Variants in POLD1 observed in about 807,000 individuals in gnomAD.
The protein encoded by POLD1 is DNA polymerase delta catalytic subunit.
In POLD1, 79 loss-of-function variants were observed where a neutral mutation model predicts 129.7. The ratio of observed to expected loss-of-function variants is 0.61; its 90% CI spans 0.51 to 0.73. The LOEUF is 0.73. Among genes scored for constraint, POLD1 ranks in the 30% least tolerant of loss-of-function variants. The pLI is 0.00. For synonymous variants in POLD1, 714 were observed against 683.3 expected, an observed-to-expected ratio of 1.04 and a Z score of -0.70; for missense variants, 1,338 against 1,595.8, an observed-to-expected ratio of 0.84 and a Z score of 2.75.
Position 50,409,406 on chromosome 19 carries a change from G to A in POLD1, c.2007-113G>A. The A allele has an allele frequency of 6.2e-6, 9 of 1,458,948 alleles. No individual in the cohort carries two copies. Among genetic ancestry groups the A allele is most frequent in the Non-Finnish European group, 7.6e-6 (8 of 1,057,982 alleles). 90.4% of individuals were successfully genotyped at this position (1,458,948 alleles called of 1,614,324 possible). On this transcript the variant is annotated intron_variant, in intron 16 of 26. Transcript: ENST00000440232. This position sits in a 1 kb window ranked among gnomAD's most constrained non-coding sequence, Gnocchi z 5.8. ...CTTCCTTTTGCCCCCTTGGCCAGAA[G>A]CTTCTGTGCAGTGCACAGTACGCCC...
At chr19:50,401,363 A>ATGTG (rs1266156050) in intron 3 of POLD1, among the ~76,000 whole-genome samples, 27 of 95,504 alleles carry the variant, frequency 2.8e-4, no homozygotes, top group African/African-American at 1.2e-3. Context: ...ATTTGTGTAT[A>ATGTG]TGTGTATATA....
chr19:50,406,002 G>A lies in POLD1; in HGVS notation c.1243-180G>A, dbSNP rs372640164. ...TTGGCTGCAGCTTAGTCCTTACTCC[G>A]GACTCCCTCCCCAGTCTCCAGCCAC... is the stretch of plus-strand genomic sequence containing the variant. On this transcript the variant is annotated intron_variant, in intron 10 of 26. Transcript: ENST00000440232. The surrounding 1 kb of genome is among the most constrained non-coding windows in gnomAD (Gnocchi z 5.5). 7.9e-5 allele frequency among the ~76,000 whole-genome samples: 12 copies of A among 152,168 alleles called. No homozygotes were observed. In the South Asian group the frequency reaches 1.9e-3, roughly 24 times the overall value.
In POLD1 at chr19:50,409,643, T is replaced by C; in HGVS notation, c.2131T>C (p.Leu711=). The C allele has an allele frequency of 6.2e-7, 1 of 1,606,534 alleles. No individual in the cohort carries two copies. The highest frequency in any genetic ancestry group is 8.5e-7 in the Non-Finnish European group (1 of 1,174,862). ...CTTCACTGGCGCCCAGGTGGGCAAG[T>C]TGCCGTGCCTGGAGATCTCACAGGT... is the stretch of plus-strand genomic sequence containing the variant. ...YGFTGAQVGK[L]PCLEISQSVT... is the part of the protein sequence containing the mutation. The change falls in exon 17 of 27, where the codon TTG becomes CTG. Residue 711 remains leucine (L), a synonymous_variant. Coordinates refer to ENST00000440232, the MANE Select transcript of POLD1 (RefSeq NM_002691.4). The surrounding 1 kb of genome is among the most constrained non-coding windows in gnomAD (Gnocchi z 5.8).
At chr19:50,399,564 C>A in intron 3 of POLD1, 80 bp downstream of exon 3, 1 of 1,071,362 alleles carries the variant, frequency 9.3e-7, no homozygotes, top group Non-Finnish European at 1.4e-6. Flanking sequence ...CCCTCTGGCC[C>A]TGTGCTCCTG....
At chr19:50,401,729 T>C in intron 3 of POLD1, 49 bp from the exon 4 acceptor site, 1 of 1,602,196 alleles carries the variant, frequency 6.2e-7, no homozygotes, top group Non-Finnish European at 8.5e-7. Context: ...AGACACACCT[T>C]GGAGGACCCT....
Position 50,406,391 on chromosome 19 carries a change from C to T in POLD1, c.1384-16C>T. ...CTGCCCAGGCCCGCAGCCCACCAGC[C>T]CACCCACCCACCTAGGTGCTGCTGC... is the stretch of plus-strand genomic sequence containing the variant. On this transcript the variant is annotated splice_polypyrimidine_tract_variant and intron_variant, in intron 11 of 26. Coordinates refer to ENST00000440232, the MANE Select transcript of POLD1 (RefSeq NM_002691.4). This position sits in a 1 kb window ranked among gnomAD's most constrained non-coding sequence, Gnocchi z 5.5. 1 of 1,606,348 alleles carries T rather than the reference C, an allele frequency of 6.2e-7. No homozygotes were observed. The highest frequency in any genetic ancestry group is 8.5e-7 in the Non-Finnish European group (1 of 1,175,958).
chr19:50,401,367 G>GTATGTATATATATATATA (rs2038602170), intron 3 of POLD1, among the ~76,000 whole-genome samples: 1 of 55,964 alleles, frequency 1.8e-5, no homozygotes. Context: ...GTGTATATGT[G>GTATGTATATATATATATA]TATATATATA....
At chr19:50,414,281 C>T (rs950135565) in intron 19 of POLD1, among the ~76,000 whole-genome samples, 1 of 152,268 alleles carries the variant, frequency 6.6e-6, no homozygotes, top group African/African-American at 2.4e-5. Context: ...GAGTCTGGGT[C>T]TCGCTCTGTC....
chr19:50,416,391 C>T lies in POLD1; in HGVS notation c.2821-5C>T, dbSNP rs1057521374. 28 of 1,548,470 alleles carry T rather than the reference C, an allele frequency of 1.8e-5. No individual in the cohort carries two copies. The highest frequency in any genetic ancestry group is 1.7e-4 in the East Asian group (7 of 40,964). ...TGCCCGGGTGTGACTGCCATGTGGC[C>T]GCAGGACCCGCTGTTCGTGCTGGAG... On this transcript the variant is annotated splice_region_variant and splice_polypyrimidine_tract_variant and intron_variant, in intron 22 of 26. Transcript: ENST00000440232.
intron 26 of POLD1, among the ~76,000 whole-genome samples, 161 bp from the exon 27 acceptor site, chr19:50,417,681 C>CT (rs1491302575): frequency 2.1e-5 from 2 of 96,412 alleles, no homozygotes; most frequent in Admixed American, 9.6e-5. Context: ...TCCCCCCCCC[C>CT]ACCCCCCCCG....
Position 50,399,474 on chromosome 19 carries a change from C to A in POLD1, c.306C>A (p.Asp102Glu), listed in dbSNP as rs751896972. 1.2e-6 allele frequency: 2 copies of A among 1,610,494 alleles called. No homozygotes were observed. The highest frequency in any genetic ancestry group is 8.5e-7 in the Non-Finnish European group (1 of 1,176,670). Residue 102 changes from aspartate (D) to glutamate (E), a missense_variant, in exon 3 of 27, where the codon GAC (aspartate) becomes GAA (glutamate). By Grantham distance (45) the Asp-to-Glu change is conservative. Transcript: ENST00000440232. ...EPLIFQQLEI[D>E]HYVGPAQPVP... ...TCATCTTCCAACAGTTGGAGATTGA[C>A]CATTATGTGGGTGAGTTTAGGGGTT...
intron 1 of POLD1, among the ~76,000 whole-genome samples, chr19:50,387,307 T>G (rs2038004904): frequency 6.6e-6 from 1 of 152,080 alleles, no homozygotes; most frequent in Admixed American, 6.6e-5. Flanking sequence ...AATAAAGCTG[T>G]GAGATTGGGC....
intron 1 of POLD1, among the ~76,000 whole-genome samples, chr19:50,390,324 A>T (rs989859165): frequency 1.3e-5 from 2 of 151,920 alleles, no homozygotes; most frequent in Non-Finnish European, 2.9e-5. Context: ...ATTGTGAGCC[A>T]ATCTCCCGAG....
In POLD1 at chr19:50,402,447, C is replaced by A. The variant is rs2038686712; in HGVS notation, c.759-7C>A. 5 of 1,612,782 alleles carry A rather than the reference C, an allele frequency of 3.1e-6. No homozygotes were observed. The East Asian group carries it at 1.1e-4, about 36-fold the overall frequency. ...GCCCCTGTCCACTGACCCCCAGCCC[C>A]CTCCAGGTTCATGGTGGACACGGAC... On this transcript the variant is annotated splice_polypyrimidine_tract_variant and splice_region_variant and intron_variant, in intron 6 of 26. Coordinates refer to ENST00000440232, the MANE Select transcript of POLD1 (RefSeq NM_002691.4).
rs1410747235 is a variant in POLD1, at chr19:50,416,647, C to A, written c.2991C>A (p.Gly997=). Residue 997 remains glycine (G), a synonymous_variant, in exon 24 of 27, where the codon GGC becomes GGA. Transcript: ENST00000440232. ...DHTRCKTVLT[G]KVGGLLAFAK... Reference sequence around the variant, plus strand: ...CGCGCTGCAAGACGGTGCTCACGGGCAAGGTGGGCGGCCTCCTGGCCTTCG... The same window carrying A: ...CGCGCTGCAAGACGGTGCTCACGGGAAAGGTGGGCGGCCTCCTGGCCTTCG... The A allele has an allele frequency of 6.4e-7, 1 of 1,565,526 alleles. No individual in the cohort carries two copies. Among genetic ancestry groups the A allele is most frequent in the Non-Finnish European group, 8.6e-7 (1 of 1,159,832 alleles).
At chr19:50,399,184 C>T (rs2122199764) in intron 2 of POLD1, 131 bp downstream of exon 2, 2 of 1,383,912 alleles carry the variant, frequency 1.4e-6, no homozygotes, top group Non-Finnish European at 2.0e-6. Context: ...AAGGACTGCC[C>T]TTCCACCCCG....
intron 26 of POLD1, among the ~76,000 whole-genome samples, chr19:50,417,553 G>T (rs2039357121): frequency 1.3e-5 from 2 of 152,110 alleles, no homozygotes; most frequent in Non-Finnish European, 2.9e-5. Flanking sequence ...CCCCTCCCCA[G>T]GGCGGGGCCG....
chr19:50,398,882 C>A lies in POLD1; in HGVS notation c.31C>A (p.Pro11Thr). The A allele has an allele frequency of 6.2e-7, 1 of 1,607,226 alleles. No individual in the cohort carries two copies. The highest frequency in any genetic ancestry group is 1.1e-5 in the South Asian group (1 of 90,014). The change falls in exon 2 of 27, where the codon CCC becomes ACC. Residue 11 changes from proline (P) to threonine (T), a missense_variant. Physicochemically the swap from Pro to Thr is conservative, Grantham distance 38. This residue lies in a region of POLD1 where 332 missense variants were observed against 315.7 expected (regional missense o/e 1.05). Transcript: ENST00000440232. Reference protein sequence around the residue: MDGKRRPGPGPGVPPKRARGG... With the variant: MDGKRRPGPGTGVPPKRARGG... ...TGGCAAGCGGCGGCCAGGCCCAGGGCCCGGGGTGCCCCCAAAGCGGGCCCG... is the reference window on the plus strand; with the variant it reads ...TGGCAAGCGGCGGCCAGGCCCAGGGACCGGGGTGCCCCCAAAGCGGGCCCG...
Position 50,409,122 on chromosome 19 carries a change from C to T in POLD1, c.1893C>T (p.Gly631=), listed in dbSNP as rs774216194. 3 of 1,604,522 alleles carry T rather than the reference C, an allele frequency of 1.9e-6. No individual in the cohort carries two copies. The highest frequency in any genetic ancestry group is 2.6e-6 in the Non-Finnish European group (3 of 1,171,490). Residue 631 remains glycine (G), a splice_region_variant and synonymous_variant, in exon 16 of 27, where the codon GGC becomes GGT. Coordinates refer to ENST00000440232, the MANE Select transcript of POLD1 (RefSeq NM_002691.4). The surrounding 1 kb of genome is among the most constrained non-coding windows in gnomAD (Gnocchi z 5.8). ...LLRPGTAQKL[G]LTEDQFIRTP... ...GTCACCCCAACATCTTCCAACCCAG[C>T]CTGACTGAGGATCAGTTCATCAGGA... is the stretch of plus-strand genomic sequence containing the variant.
Sources: allele counts gnomAD v4.1 joint callset (sites outside exome capture counted in the v4.1 genomes callset), GRCh38; gene constraint gnomAD v4.1.1; regional missense constraint gnomAD v4.1.1; non-coding constraint Gnocchi (gnomAD v3.1); transcripts MANE v1.5; gene names NCBI Gene and HGNC (gene_info 2026-07-23, HGNC 2026-07-21).